CRTAC1: variants seen among roughly 807,000 people sequenced by gnomAD.
CRTAC1 encodes cartilage acidic protein 1.
A neutral mutation model predicts 67.8 loss-of-function variants in CRTAC1; 37 were observed. The observed-to-expected ratio is 0.55, with a 90% CI of 0.42 to 0.72. The LOEUF (loss-of-function observed/expected upper bound fraction) is 0.72, where lower values mean the gene tolerates loss of function less well. Ranked by LOEUF, CRTAC1 falls within the 30% of genes least tolerant of loss-of-function variation. The pLI, the probability that CRTAC1 is intolerant of heterozygous loss-of-function variation, is 0.00. For missense variants in CRTAC1, 780 were observed against 931.6 expected, an observed-to-expected ratio of 0.84 and a Z score of 2.12; for synonymous variants, 348 against 371.0, an observed-to-expected ratio of 0.94 and a Z score of 0.71.
At chr10:97,987,292 T>C (rs1459199520) in intron 2 of CRTAC1, among the ~76,000 whole-genome samples, 2 of 152,202 alleles carry the variant, frequency 1.3e-5, no homozygotes, top group East Asian at 3.8e-4. Context: ...GACACTGACT[T>C]TACTCATCTG....
At chr10:97,929,328 G>A (rs1485499131) in intron 3 of CRTAC1, among the ~76,000 whole-genome samples, 3 of 152,150 alleles carry the variant, frequency 2.0e-5, no homozygotes, top group Non-Finnish European at 4.4e-5. Context: ...GGACAGAGAT[G>A]GAGGCATCAG....
At chr10:97,970,308 C>T (rs1429942680) in intron 2 of CRTAC1, among the ~76,000 whole-genome samples, 1 of 152,210 alleles carries the variant, frequency 6.6e-6, no homozygotes, top group South Asian at 2.1e-4. Context: ...CCTTTCCTTC[C>T]TTCAGTCTAT....
chr10:97,880,105 C>T, intron 14 of CRTAC1, 144 bp downstream of exon 14: 1 of 965,060 alleles, frequency 1.0e-6, no homozygotes, highest in Non-Finnish European at 1.5e-6. Flanking sequence ...ATGGTCTTCC[C>T]TGGAGACCCA....
chr10:97,967,456 T>C (rs545477411), intron 2 of CRTAC1, among the ~76,000 whole-genome samples: 1 of 152,220 alleles, frequency 6.6e-6, no homozygotes. Context: ...AGAATGGTAT[T>C]AGAAACCAAG....
rs35027739 is a variant in CRTAC1, at chr10:97,936,246, G to C, written c.345C>G (p.Ile115Met). ...YALRDRQGNA[I>M]GVTACDIDGD... is the part of the protein sequence containing the mutation. ...CGTCGATGTCGCAGGCTGTGACCCC[G>C]ATGGCGTTCCCCTGCCGGTCCCGCA... Residue 115 changes from isoleucine to methionine, a missense_variant, in exon 3 of 15, where the codon ATC becomes ATG. Coordinates refer to ENST00000370597, the MANE Select transcript of CRTAC1 (RefSeq NM_018058.7). 6.2e-7 allele frequency: 1 copy of C among 1,614,038 alleles called. No homozygotes were observed. Among genetic ancestry groups the C allele is most frequent in the Non-Finnish European group, 8.5e-7 (1 of 1,179,946 alleles).
rs370755372 is a variant in CRTAC1, at chr10:98,029,065, A to T, written c.24+1384T>A. The stretch of plus-strand genomic sequence containing the variant: ...GACTTTAGGACCTACTGCCAGAAGG[A>T]TGTTCTTAACCAAGTCAGAGAGAGA... On this transcript the variant is annotated intron_variant, in intron 1 of 14. Transcript: ENST00000370597. The surrounding 1 kb of genome is among the most constrained non-coding windows in gnomAD (Gnocchi z 4.7). Among the ~76,000 whole-genome samples the T allele has an allele frequency of 1.4e-4, 22 of 152,270 alleles. No individual in the cohort carries two copies. Among genetic ancestry groups the T allele is most frequent in the African/African-American group, 5.3e-4 (22 of 41,544 alleles).
intron 5 of CRTAC1, among the ~76,000 whole-genome samples, chr10:97,912,510 A>G (rs2077125809): frequency 6.6e-6 from 1 of 152,172 alleles, no homozygotes; most frequent in Non-Finnish European, 1.5e-5. Context: ...TTTACCTCTG[A>G]GCCCTGGCAC....
chr10:97,939,458 C>T (rs1176519223), intron 2 of CRTAC1, among the ~76,000 whole-genome samples: 1 of 152,110 alleles, frequency 6.6e-6, no homozygotes, highest in Non-Finnish European at 1.5e-5. Context: ...TCCCCCAGTC[C>T]CCACTGCCTC....
intron 3 of CRTAC1, 60 bp from the exon 4 acceptor site, chr10:97,923,460 T>C: frequency 6.3e-7 from 1 of 1,599,606 alleles, no homozygotes; most frequent in South Asian, 1.1e-5. Flanking sequence ...GGTTCTGATC[T>C]CTGGGTATGT....
chr10:97,875,164 T>G (rs924958615), intron 14 of CRTAC1, among the ~76,000 whole-genome samples: 5 of 152,212 alleles, frequency 3.3e-5, no homozygotes, highest in African/African-American at 9.7e-5. Flanking sequence ...AGTCATGAGG[T>G]TGAATTACAG....
At chr10:97,883,900 G>A (rs1311829532) in intron 12 of CRTAC1, among the ~76,000 whole-genome samples, 1 of 152,214 alleles carries the variant, frequency 6.6e-6, no homozygotes, top group South Asian at 2.1e-4. Context: ...CTCACAACTG[G>A]CTGTACAGCC....
intron 4 of CRTAC1, among the ~76,000 whole-genome samples, chr10:97,918,595 C>T (rs189400528): frequency 7.2e-5 from 11 of 152,308 alleles, no homozygotes; most frequent in Admixed American, 1.3e-4. Context: ...AGTCCCTGAC[C>T]GTAGGTTGCT....
chr10:98,025,405 C>T (rs1843209380), intron 1 of CRTAC1, among the ~76,000 whole-genome samples: 2 of 152,114 alleles, frequency 1.3e-5, no homozygotes, highest in African/African-American at 4.8e-5. Context: ...GGAGGGGGAA[C>T]AAAATAACCC....
At position 98,005,685 on chromosome 10, in the gene CRTAC1, C is replaced by T. The variant is rs138013924; in HGVS notation, c.224+5453G>A. Among the ~76,000 whole-genome samples the T allele has an allele frequency of 9.9e-5, 15 of 151,134 alleles. No individual in the cohort carries two copies. The East Asian group carries it at 2.5e-3, about 25-fold the overall frequency. On this transcript the variant is annotated intron_variant, in intron 2 of 14. Coordinates refer to ENST00000370597, the MANE Select transcript of CRTAC1 (RefSeq NM_018058.7). ...TAAATACTATATATATATCTATATA[C>T]TACATGTATCTATATATACTTAAAA... is the stretch of plus-strand genomic sequence containing the variant.
intron 1 of CRTAC1, among the ~76,000 whole-genome samples, chr10:98,028,626 T>C (rs912503981): frequency 3.9e-5 from 6 of 151,932 alleles, no homozygotes; most frequent in African/African-American, 1.5e-4. Context: ...AACACCAGGG[T>C]TCAGAACACC....
chr10:97,937,966 T>C (rs1027907339), intron 2 of CRTAC1, among the ~76,000 whole-genome samples: 15 of 152,192 alleles, frequency 9.9e-5, no homozygotes, highest in Admixed American at 8.5e-4. Flanking sequence ...TTGAGAGAAA[T>C]CACGTCTTTC....
chr10:97,951,112 TG>T (rs1297624302), intron 2 of CRTAC1, among the ~76,000 whole-genome samples: 1 of 152,220 alleles, frequency 6.6e-6, no homozygotes, highest in Non-Finnish European at 1.5e-5. Context: ...CACGTGGTGT[TG>T]GACCCTTTGC....
At chr10:97,924,422 C>T (rs915754888) in intron 3 of CRTAC1, among the ~76,000 whole-genome samples, 3 of 152,128 alleles carry the variant, frequency 2.0e-5, no homozygotes, top group African/African-American at 7.2e-5. Context: ...GGGACAGAAC[C>T]CTGAACTTGA....
rs375460101 is a variant in CRTAC1 at position 98,030,291 on chromosome 10, C to G, written c.24+158G>C. On this transcript the variant is annotated intron_variant, in intron 1 of 14. Coordinates refer to ENST00000370597, the MANE Select transcript of CRTAC1 (RefSeq NM_018058.7). The surrounding 1 kb of genome is among the most constrained non-coding windows in gnomAD (Gnocchi z 4.2). ...GCGCGCCAATCGAGTCCAGCGCCTC[C>G]CAGCAAGTTAGGAGCGAAGCCGCCG... Among the ~76,000 whole-genome samples the G allele has an allele frequency of 1.6e-4, 25 of 152,176 alleles. 1 individual carries two copies. Among genetic ancestry groups the G allele is most frequent in the East Asian group, 9.7e-4 (5 of 5,166 alleles).
Sources: allele counts gnomAD v4.1 joint callset (sites outside exome capture counted in the v4.1 genomes callset), GRCh38; gene constraint gnomAD v4.1.1; non-coding constraint Gnocchi (gnomAD v3.1); transcripts MANE v1.5; gene names NCBI Gene and HGNC (gene_info 2026-07-23, HGNC 2026-07-21).